Variants in CAMK2D observed in about 807,000 individuals in gnomAD.
CAMK2D encodes calcium/calmodulin dependent protein kinase II delta, also known as calcium/calmodulin-dependent protein kinase type II subunit delta.
CAMK2D carries 37 observed loss-of-function variants against 84.0 expected under a neutral mutation model. That is an observed-to-expected ratio of 0.44 (90% CI 0.34 to 0.58). CAMK2D has a LOEUF of 0.58. Ranked by LOEUF, CAMK2D falls within the 20% of genes least tolerant of loss-of-function variation. CAMK2D has a pLI of 0.02. For missense variants in CAMK2D, 448 were observed against 652.5 expected, an observed-to-expected ratio of 0.69 and a Z score of 3.41; for synonymous variants, 202 against 212.5, an observed-to-expected ratio of 0.95 and a Z score of 0.43.
At chr4:113,730,724 C>A (rs532341507) in intron 2 of CAMK2D, among the ~76,000 whole-genome samples, 2 of 152,204 alleles carry the variant, frequency 1.3e-5, no homozygotes, top group Non-Finnish European at 1.5e-5. Flanking sequence ...AAACTGTTAA[C>A]TGTTTAAATC....
intron 4 of CAMK2D, among the ~76,000 whole-genome samples, chr4:113,597,795 A>C (rs1434559107): frequency 6.6e-6 from 1 of 152,234 alleles, no homozygotes; most frequent in Admixed American, 6.5e-5. Flanking sequence ...GTTTTGATTT[A>C]AAATGAGAGA....
intron 4 of CAMK2D, among the ~76,000 whole-genome samples, chr4:113,575,813 C>T (rs2098778706): frequency 6.6e-6 from 1 of 151,998 alleles, no homozygotes; most frequent in Admixed American, 6.6e-5. Flanking sequence ...GATGAAGGGC[C>T]TGAGAGTCTT....
intron 2 of CAMK2D, among the ~76,000 whole-genome samples, chr4:113,685,894 G>A (rs899839430): frequency 2.6e-5 from 4 of 151,762 alleles, no homozygotes; most frequent in African/African-American, 7.3e-5. Context: ...TGAAACCCCC[G>A]TCTCTACTAA....
chr4:113,574,118 G>A (rs1003773448), intron 4 of CAMK2D, among the ~76,000 whole-genome samples: 4 of 152,086 alleles, frequency 2.6e-5, no homozygotes, highest in Non-Finnish European at 5.9e-5. Flanking sequence ...TTTCAGTTCC[G>A]TACTGTGGCA....
intron 2 of CAMK2D, among the ~76,000 whole-genome samples, chr4:113,688,582 G>A (rs2099366993): frequency 6.6e-6 from 1 of 152,038 alleles, no homozygotes; most frequent in Non-Finnish European, 1.5e-5. Flanking sequence ...GTCCTATGAG[G>A]CACCTCAGAA....
intron 4 of CAMK2D, among the ~76,000 whole-genome samples, chr4:113,564,913 T>G (rs2098715100): frequency 6.6e-6 from 1 of 152,138 alleles, no homozygotes; most frequent in African/African-American, 2.4e-5. Flanking sequence ...AAATACAAAA[T>G]GTAATAGGAC....
intron 15 of CAMK2D, among the ~76,000 whole-genome samples, chr4:113,501,551 T>C (rs2098045964): frequency 6.6e-6 from 1 of 152,040 alleles, no homozygotes; most frequent in African/African-American, 2.4e-5. Flanking sequence ...TCAATTTATA[T>C]AAATATCATA....
chr4:113,599,930 T>C (rs553812982), intron 4 of CAMK2D, among the ~76,000 whole-genome samples: 116 of 152,126 alleles, frequency 7.6e-4, no homozygotes, highest in Non-Finnish European at 1.5e-3. Flanking sequence ...TCTTGCTGTC[T>C]CAGGAATGGC....
At chr4:113,541,197 A>C (rs774835153) in intron 6 of CAMK2D, among the ~76,000 whole-genome samples, 12 of 152,210 alleles carry the variant, frequency 7.9e-5, no homozygotes, top group Non-Finnish European at 1.5e-4. Context: ...AAATAACTCA[A>C]ACCTTTCCGT....
chr4:113,663,133 A>G (rs1239188595), intron 2 of CAMK2D, among the ~76,000 whole-genome samples: 1 of 152,182 alleles, frequency 6.6e-6, no homozygotes, highest in Non-Finnish European at 1.5e-5. Context: ...AATAAATGTA[A>G]ATTCTTCAAA....
At chr4:113,530,026 A>C (rs1281179482) in intron 8 of CAMK2D, among the ~76,000 whole-genome samples, 1 of 152,244 alleles carries the variant, frequency 6.6e-6, no homozygotes, top group East Asian at 1.9e-4. Flanking sequence ...CTGTCATTTA[A>C]ACAGCTGTCC....
At chr4:113,722,119 CT>C (rs2099532359) in intron 2 of CAMK2D, among the ~76,000 whole-genome samples, 1 of 152,098 alleles carries the variant, frequency 6.6e-6, no homozygotes, top group African/African-American at 2.4e-5. Flanking sequence ...CATGTACAAA[CT>C]TAAGAGAGTA....
chr4:113,631,488 T>C (rs967547552), intron 3 of CAMK2D, among the ~76,000 whole-genome samples: 4 of 152,214 alleles, frequency 2.6e-5, no homozygotes, highest in Non-Finnish European at 4.4e-5. Flanking sequence ...ATTCGCCCTT[T>C]AACTGTGAGA....
At chr4:113,659,320 C>G (rs757546799) in intron 3 of CAMK2D, among the ~76,000 whole-genome samples, 4 of 152,182 alleles carry the variant, frequency 2.6e-5, no homozygotes, top group African/African-American at 4.8e-5. Context: ...AATCTTTGAA[C>G]TATAGTGGTT....
chr4:113,505,119 G>T (rs2098112734), intron 13 of CAMK2D, 84 bp from the exon 14 acceptor site: 2 of 651,212 alleles, frequency 3.1e-6, no homozygotes, highest in East Asian at 6.2e-5. Flanking sequence ...TCTACATAGA[G>T]ATGTAGACAT....
chr4:113,613,725 C>T (rs945454887), intron 3 of CAMK2D, among the ~76,000 whole-genome samples: 4 of 152,050 alleles, frequency 2.6e-5, no homozygotes, highest in African/African-American at 9.7e-5. Flanking sequence ...TCTGATAGAA[C>T]ATTTAATGTA....
chr4:113,476,145 A>C (rs967128949), intron 16 of CAMK2D, among the ~76,000 whole-genome samples: 1 of 152,148 alleles, frequency 6.6e-6, no homozygotes, highest in Non-Finnish European at 1.5e-5. Context: ...GGCATTGTAG[A>C]TCCAAAGGCC....
At chr4:113,612,968 A>G (rs2099006612) in intron 3 of CAMK2D, among the ~76,000 whole-genome samples, 1 of 152,030 alleles carries the variant, frequency 6.6e-6, no homozygotes, top group Non-Finnish European at 1.5e-5. Flanking sequence ...GCATTATTCC[A>G]TTGCAGTTTC....
chr4:113,657,232 T>C (rs1490632156), intron 3 of CAMK2D, among the ~76,000 whole-genome samples: 4 of 152,160 alleles, frequency 2.6e-5, no homozygotes, highest in African/African-American at 9.7e-5. Context: ...TTGTTTTTGA[T>C]AGTAGCCACC....
Sources: allele counts gnomAD v4.1 joint callset (sites outside exome capture counted in the v4.1 genomes callset), GRCh38; gene constraint gnomAD v4.1.1; transcripts MANE v1.5; gene names NCBI Gene and HGNC (gene_info 2026-07-23, HGNC 2026-07-21).